MGLL: variants seen among roughly 807,000 people sequenced by gnomAD.
The protein encoded by MGLL is monoglyceride lipase.
MGLL carries 7 observed loss-of-function variants against 29.1 expected under a neutral mutation model. That is an observed-to-expected ratio of 0.24 (90% confidence interval 0.14 to 0.45). MGLL has a LOEUF of 0.45. Ranked by LOEUF, MGLL falls within the 20% of genes least tolerant of loss-of-function variation. MGLL has a pLI of 0.99. For missense variants in MGLL, 356 were observed against 413.6 expected (o/e 0.86, Z 1.21); for synonymous variants, 148 against 168.3 (o/e 0.88, Z 0.93).
intron 3 of MGLL, among the ~76,000 whole-genome samples, chr3:127,728,382 T>C (rs920420059): frequency 1.3e-5 from 2 of 152,226 alleles, no homozygotes; most frequent in African/African-American, 4.8e-5. Flanking sequence ...CTAATCTATT[T>C]ATCCATCCAC....
intron 2 of MGLL, among the ~76,000 whole-genome samples, chr3:127,821,386 ATGCC>A (rs892717705): frequency 2.0e-5 from 3 of 152,306 alleles, no homozygotes; most frequent in African/African-American, 7.2e-5. Flanking sequence ...TTTTAAATGA[ATGCC>A]TGTACAACCG....
upstream of MGLL, chr3:127,823,053 C>A (rs1271162272): frequency 6.6e-6 from 1 of 152,296 alleles, no homozygotes; most frequent in East Asian, 1.9e-4. Flanking sequence ...GCGGCACTGG[C>A]GGGCTGGGGC....
At chr3:127,767,217 GC>G (rs2076875105) in intron 3 of MGLL, among the ~76,000 whole-genome samples, 1 of 152,086 alleles carries the variant, frequency 6.6e-6, no homozygotes, top group Non-Finnish European at 1.5e-5. Flanking sequence ...CTGTCATGGA[GC>G]CTGGATTTAT....
chr3:127,692,259 T>C lies in MGLL; in HGVS notation c.881A>G (p.His294Arg), dbSNP rs538854801. The C allele has an allele frequency of 5.6e-6, 9 of 1,614,138 alleles. No homozygotes were observed. Among genetic ancestry groups the C allele is most frequent in the East Asian group, 2.2e-5 (1 of 44,876 alleles). The change falls in exon 8 of 8, where the codon CAT (histidine) becomes CGT (arginine). Residue 294 changes from histidine to arginine, a missense_variant. His to Arg is a conservative substitution (Grantham distance 29, BLOSUM62 0). Coordinates refer to ENST00000265052, the MANE Select transcript of MGLL (RefSeq NM_007283.7). ...ELPEVTNSVF[H>R]EINMWVSQRT... is the part of the protein sequence containing the mutation. The stretch of plus-strand genomic sequence containing the variant: ...TTGAGAGACCCACATGTTTATTTCA[T>C]GGAAGACGGAGTTGGTGACTTCAGG...
At chr3:127,707,181 T>C (rs1330827066) in intron 6 of MGLL, among the ~76,000 whole-genome samples, 1 of 152,144 alleles carries the variant, frequency 6.6e-6, no homozygotes, top group African/African-American at 2.4e-5. Flanking sequence ...AGAAGACAAG[T>C]GGCCTCAGGA....
intron 2 of MGLL, among the ~76,000 whole-genome samples, chr3:127,809,185 C>G (rs2077618053): frequency 6.6e-6 from 1 of 152,168 alleles, no homozygotes; most frequent in Admixed American, 6.5e-5. Flanking sequence ...GATCAATCTT[C>G]TCATCTTGCT....
chr3:127,723,354 G>C (rs1386663603), intron 3 of MGLL, among the ~76,000 whole-genome samples: 1 of 152,230 alleles, frequency 6.6e-6, no homozygotes. Flanking sequence ...ACAGCCAGAG[G>C]GGCTGCCCAG....
chr3:127,774,463 G>A (rs997955162), intron 3 of MGLL, among the ~76,000 whole-genome samples: 4 of 152,224 alleles, frequency 2.6e-5, no homozygotes, highest in Admixed American at 2.0e-4. Context: ...TAGGAGTGCA[G>A]TTGGGCATTC....
At chr3:127,794,280 A>G (rs1559974691) in intron 2 of MGLL, among the ~76,000 whole-genome samples, 1 of 152,210 alleles carries the variant, frequency 6.6e-6, no homozygotes, top group South Asian at 2.1e-4. Flanking sequence ...CCCTTTCTCT[A>G]CTAAAAATAC....
chr3:127,731,633 C>G (rs1007037637), intron 3 of MGLL, among the ~76,000 whole-genome samples: 2 of 152,102 alleles, frequency 1.3e-5, no homozygotes, highest in African/African-American at 4.8e-5. Context: ...ATCTGAGAGC[C>G]CTGAAATTCT....
At chr3:127,720,557 T>A (rs2075898132) in intron 5 of MGLL, among the ~76,000 whole-genome samples, 1 of 152,196 alleles carries the variant, frequency 6.6e-6, no homozygotes, top group African/African-American at 2.4e-5. Context: ...CTATGGGTCA[T>A]TCCAACCAGA....
chr3:127,763,254 G>A (rs2076797540), intron 3 of MGLL, among the ~76,000 whole-genome samples: 1 of 152,176 alleles, frequency 6.6e-6, no homozygotes, highest in African/African-American at 2.4e-5. Flanking sequence ...GCTCCGGAGG[G>A]TACATCATCT....
chr3:127,754,886 C>T (rs776491029), intron 3 of MGLL, among the ~76,000 whole-genome samples: 6 of 152,190 alleles, frequency 3.9e-5, no homozygotes, highest in African/African-American at 7.2e-5. Flanking sequence ...CTCATGCCCA[C>T]GTGTCCCAGG....
intron 6 of MGLL, among the ~76,000 whole-genome samples, chr3:127,696,802 G>A (rs1350464989): frequency 6.6e-6 from 1 of 151,820 alleles, no homozygotes; most frequent in Non-Finnish European, 1.5e-5. Flanking sequence ...ACTGGGTGAG[G>A]GTCAGAGAGC....
At chr3:127,736,506 C>A in intron 3 of MGLL, 4 of 255,742 alleles carry the variant, frequency 1.6e-5, no homozygotes, top group Non-Finnish European at 1.8e-5. Context: ...CCAGGCAGGG[C>A]TGGGTGAGGG....
chr3:127,706,775 T>C (rs1319550764), intron 6 of MGLL, among the ~76,000 whole-genome samples: 1 of 152,154 alleles, frequency 6.6e-6, no homozygotes, highest in Non-Finnish European at 1.5e-5. Flanking sequence ...CCGAGTTTGC[T>C]GGAAGGTTCT....
chr3:127,777,062 G>A (rs756123185), intron 3 of MGLL, among the ~76,000 whole-genome samples: 58 of 152,132 alleles, frequency 3.8e-4, no homozygotes, highest in Non-Finnish European at 6.9e-4. Flanking sequence ...TGGGGAAGAC[G>A]GGTCATGTTC....
At chr3:127,778,831 A>T (rs1211992621) in intron 3 of MGLL, among the ~76,000 whole-genome samples, 2 of 144,608 alleles carry the variant, frequency 1.4e-5, no homozygotes, top group Non-Finnish European at 3.1e-5. Flanking sequence ...GGCTTACTGC[A>T]GCCTTGAACT....
chr3:127,760,196 C>T (rs551295565), intron 3 of MGLL, among the ~76,000 whole-genome samples: 4 of 152,308 alleles, frequency 2.6e-5, no homozygotes, highest in Non-Finnish European at 4.4e-5. Flanking sequence ...TATGAGCTAA[C>T]GTTTCCATAG....
Sources: gnomAD v4.1 joint callset for allele counts (sites outside exome capture counted in the v4.1 genomes callset) on GRCh38, gnomAD v4.1.1 for gene constraint, MANE v1.5 for transcripts, NCBI Gene and HGNC (gene_info 2026-07-23, HGNC 2026-07-21) for gene names.